TSG101: variants seen among roughly 807,000 people sequenced by gnomAD.
TSG101 encodes tumor susceptibility gene 101 protein.
A neutral mutation model predicts 48.5 loss-of-function variants in TSG101; 19 were observed. That is an observed-to-expected ratio of 0.39 (90% confidence interval 0.27 to 0.58). The LOEUF is 0.58. TSG101 is among the 20% of genes least tolerant of loss of function. The pLI is 0.55. For missense variants in TSG101, 365 were observed against 484.4 expected (o/e 0.75, Z 2.31); for synonymous variants, 174 against 169.4 (o/e 1.03, Z -0.21).
chr11:18,483,306 C>G (rs1266838328), intron 8 of TSG101, among the ~76,000 whole-genome samples: 1 of 151,948 alleles, frequency 6.6e-6, no homozygotes, highest in Non-Finnish European at 1.5e-5. Context: ...ACGAGCCTGG[C>G]CAACATGGTG....
intron 7 of TSG101, among the ~76,000 whole-genome samples, chr11:18,499,400 ATATTTTTTTT>A (rs1229343568): frequency 2.9e-4 from 2 of 6,784 alleles, no homozygotes; most frequent in African/African-American, 8.2e-4. Flanking sequence ...ATATATATAT[ATATTTTTTTT>A]TTTTTTTTTT....
chr11:18,525,204 C>T (rs773957626), intron 1 of TSG101, among the ~76,000 whole-genome samples: 1 of 152,112 alleles, frequency 6.6e-6, no homozygotes, highest in Non-Finnish European at 1.5e-5. Context: ...CCACTGCGCC[C>T]AGCCCAAGGA....
intron 2 of TSG101, among the ~76,000 whole-genome samples, chr11:18,519,194 G>T (rs981661922): frequency 6.6e-6 from 1 of 151,732 alleles, no homozygotes; most frequent in Non-Finnish European, 1.5e-5. Flanking sequence ...TTGTTGAGAC[G>T]AGGTTTCACC....
intron 6 of TSG101, among the ~76,000 whole-genome samples, chr11:18,504,216 A>G (rs1250200206): frequency 6.6e-6 from 1 of 151,718 alleles, no homozygotes; most frequent in Non-Finnish European, 1.5e-5. Context: ...AAAAAAAAAA[A>G]AAAAAGCTAG....
intron 1 of TSG101, among the ~76,000 whole-genome samples, chr11:18,522,491 C>A (rs544390409): frequency 6.6e-6 from 1 of 152,176 alleles, no homozygotes. Context: ...AAAATACATC[C>A]GGAATCTCCA....
chr11:18,488,851 C>T (rs1565083060), intron 7 of TSG101, among the ~76,000 whole-genome samples: 2 of 152,080 alleles, frequency 1.3e-5, no homozygotes, highest in South Asian at 2.1e-4. Flanking sequence ...GGGGGCCGGG[C>T]GCAGTGGCTC....
intron 4 of TSG101, 43 bp downstream of exon 4, chr11:18,514,635 T>C (rs777350440): frequency 1.4e-6 from 2 of 1,469,944 alleles, no homozygotes; most frequent in Non-Finnish European, 1.8e-6. Context: ...GTGAGCAAAA[T>C]ATATAAAACA....
At chr11:18,513,662 A>G (rs1169542426) in intron 4 of TSG101, among the ~76,000 whole-genome samples, 1 of 152,184 alleles carries the variant, frequency 6.6e-6, no homozygotes. Context: ...TTACTTTGGT[A>G]GACAGAACAG....
chr11:18,504,797 T>C (rs1350330046), intron 6 of TSG101, among the ~76,000 whole-genome samples: 1 of 152,254 alleles, frequency 6.6e-6, no homozygotes, highest in Non-Finnish European at 1.5e-5. Flanking sequence ...TGTCCAAAGC[T>C]GCTTTTTACT....
chr11:18,516,356 GT>G (rs71313424), intron 2 of TSG101, among the ~76,000 whole-genome samples, 192 bp from the exon 3 acceptor site: 20 of 147,738 alleles, frequency 1.4e-4, no homozygotes, highest in African/African-American at 5.0e-4. Flanking sequence ...GCTCTTTTTT[GT>G]TTTTTTTTTC....
intron 1 of TSG101, among the ~76,000 whole-genome samples, chr11:18,524,590 G>A (rs1321792450): frequency 6.6e-6 from 1 of 152,188 alleles, no homozygotes; most frequent in Non-Finnish European, 1.5e-5. Flanking sequence ...AGGTTGGACA[G>A]TACTAATGCT....
intron 7 of TSG101, among the ~76,000 whole-genome samples, chr11:18,486,752 G>A (rs1227317485): frequency 6.6e-6 from 1 of 151,818 alleles, no homozygotes; most frequent in Non-Finnish European, 1.5e-5. Flanking sequence ...ATTTGACCCA[G>A]CCATCCCATT....
At chr11:18,490,464 A>G (rs1286000982) in intron 7 of TSG101, 2 of 531,956 alleles carry the variant, frequency 3.8e-6, no homozygotes, top group Non-Finnish European at 7.2e-6. Flanking sequence ...TGCCAGACCA[A>G]GTCAAACTGG....
At chr11:18,517,172 C>T (rs1306844300) in intron 2 of TSG101, among the ~76,000 whole-genome samples, 1 of 151,322 alleles carries the variant, frequency 6.6e-6, no homozygotes, top group Non-Finnish European at 1.5e-5. Context: ...CAGGCGTGCA[C>T]TACCATGCCC....
Position 18,492,895 on chromosome 11 carries a change from GATA to G in TSG101, c.641-8826_641-8824del, listed in dbSNP as rs1238267149. 7.2e-5 allele frequency among the ~76,000 whole-genome samples: 11 copies of G among 152,000 alleles called. 1 individual carries two copies. The highest frequency in any genetic ancestry group is 2.9e-5 in the Non-Finnish European group (2 of 67,998). ...AATTCGATGAACCATGCCACTTTAA[GATA>G]ATGTTTATGCAAACAAATAAGAAAA... On this transcript the variant is annotated intron_variant, in intron 7 of 9. Transcript: ENST00000251968.
chr11:18,500,532 A>C (rs1379016214), intron 7 of TSG101, among the ~76,000 whole-genome samples: 1 of 152,000 alleles, frequency 6.6e-6, no homozygotes, highest in Non-Finnish European at 1.5e-5. Context: ...TCAAACTGGG[A>C]TAAGATTATA....
chr11:18,499,224 A>T (rs1417052612), intron 7 of TSG101, among the ~76,000 whole-genome samples: 1 of 138,056 alleles, frequency 7.2e-6, no homozygotes, highest in Admixed American at 8.1e-5. Context: ...ATATATATTT[A>T]TATATGATAT....
intron 9 of TSG101, 99 bp from the exon 10 acceptor site, chr11:18,480,734 A>T: frequency 9.1e-7 from 1 of 1,093,834 alleles, no homozygotes; most frequent in Non-Finnish European, 1.3e-6. Context: ...TAAGAACCCT[A>T]ACTCATGACC....
intron 7 of TSG101, among the ~76,000 whole-genome samples, chr11:18,485,883 T>C (rs1285953090): frequency 6.6e-6 from 1 of 152,202 alleles, no homozygotes; most frequent in Non-Finnish European, 1.5e-5. Context: ...AAAAACAGCC[T>C]GAAGGCTGAA....
Sources: gnomAD v4.1 joint callset for allele counts (sites outside exome capture counted in the v4.1 genomes callset) on GRCh38, gnomAD v4.1.1 for gene constraint, MANE v1.5 for transcripts, NCBI Gene and HGNC (gene_info 2026-07-23, HGNC 2026-07-21) for gene names.